CCDC85A: variants seen among roughly 807,000 people sequenced by gnomAD.
The protein encoded by CCDC85A is coiled-coil domain-containing protein 85A.
A neutral mutation model predicts 50.2 loss-of-function variants in CCDC85A; 38 were observed. The observed-to-expected ratio is 0.76, with a 90% confidence interval of 0.58 to 0.99. CCDC85A has a LOEUF of 0.99. CCDC85A is among the 50% of genes least tolerant of loss of function. CCDC85A has a pLI of 0.00. For synonymous variants in CCDC85A, 366 were observed against 301.4 expected, an observed-to-expected ratio of 1.21 and a Z score of -2.22; for missense variants, 820 against 742.0, an observed-to-expected ratio of 1.11 and a Z score of -1.22.
Position 56,321,664 on chromosome 2 carries a change from C to T in CCDC85A, c.1241-21215C>T, listed in dbSNP as rs12383963. Among the ~76,000 whole-genome samples, 310 of 152,276 alleles carry T rather than the reference C, an allele frequency of 2.0e-3. 2 individuals are homozygous for T. The highest frequency in any genetic ancestry group is 6.4e-3 in the African/African-American group (264 of 41,572). ...AAGAGGACACAAACAAATTGAAGAACGTTCCATGCTCGTGGATACGAAGAA... is the reference window on the plus strand; with the variant it reads ...AAGAGGACACAAACAAATTGAAGAATGTTCCATGCTCGTGGATACGAAGAA... On this transcript the variant is annotated intron_variant, in intron 2 of 5. Transcript: ENST00000407595.
chr2:56,351,202 A>G (rs1674915245), intron 3 of CCDC85A, among the ~76,000 whole-genome samples: 1 of 151,820 alleles, frequency 6.6e-6, no homozygotes, highest in Non-Finnish European at 1.5e-5. Context: ...TTATGGCTGC[A>G]TAGTATTCCA....
chr2:56,186,450 G>A (rs954931564), intron 1 of CCDC85A, among the ~76,000 whole-genome samples: 49 of 152,162 alleles, frequency 3.2e-4, no homozygotes, highest in Non-Finnish European at 3.7e-4. Context: ...TGTAGGGGAA[G>A]GTTTAATACT....
intron 2 of CCDC85A, among the ~76,000 whole-genome samples, chr2:56,327,374 CA>C (rs1673529597): frequency 6.6e-6 from 1 of 152,054 alleles, no homozygotes; most frequent in Non-Finnish European, 1.5e-5. Context: ...GGAACACTTC[CA>C]ACCTAGAGCT....
At chr2:56,367,838 G>A (rs1157921462) in intron 3 of CCDC85A, among the ~76,000 whole-genome samples, 1 of 152,054 alleles carries the variant, frequency 6.6e-6, no homozygotes, top group Non-Finnish European at 1.5e-5. Context: ...CACTTATGTG[G>A]GCCAGACACT....
intron 2 of CCDC85A, among the ~76,000 whole-genome samples, chr2:56,261,978 A>G (rs975824579): frequency 2.0e-5 from 3 of 152,206 alleles, no homozygotes; most frequent in African/African-American, 7.2e-5. Flanking sequence ...GAAAGAGCTA[A>G]TGAAAGGCAT....
At chr2:56,191,355 C>T (rs1474663823) in intron 1 of CCDC85A, among the ~76,000 whole-genome samples, 1 of 152,170 alleles carries the variant, frequency 6.6e-6, no homozygotes, top group African/African-American at 2.4e-5. Context: ...TCCCTACCAC[C>T]TGGACTGGTA....
chr2:56,371,067 A>G (rs1273261970), intron 3 of CCDC85A, among the ~76,000 whole-genome samples: 1 of 152,156 alleles, frequency 6.6e-6, no homozygotes, highest in Non-Finnish European at 1.5e-5. Context: ...AACAAATTAG[A>G]CACTACACAT....
chr2:56,330,292 C>T (rs1341299040), intron 2 of CCDC85A, among the ~76,000 whole-genome samples: 1 of 152,114 alleles, frequency 6.6e-6, no homozygotes, highest in Admixed American at 6.5e-5. Flanking sequence ...TTCCTGGTAC[C>T]TCCTTTGTGG....
intron 2 of CCDC85A, among the ~76,000 whole-genome samples, chr2:56,320,108 A>G (rs1248201452): frequency 6.6e-6 from 1 of 152,164 alleles, no homozygotes; most frequent in Non-Finnish European, 1.5e-5. Context: ...AAGACACAAC[A>G]TACCAGAATC....
chr2:56,255,208 T>C (rs1160375157), intron 2 of CCDC85A, among the ~76,000 whole-genome samples: 1 of 152,164 alleles, frequency 6.6e-6, no homozygotes, highest in Non-Finnish European at 1.5e-5. Flanking sequence ...CTGGGTGGTA[T>C]AGTTTTCTGT....
Position 56,193,059 on chromosome 2 carries a change from A to T in CCDC85A, c.859A>T (p.Lys287Ter), listed in dbSNP as rs771175791. ...PSPEHHKPLCKGSPEQQRHPH... is the reference protein window; with the variant it reads ...PSPEHHKPLC Reference sequence around the variant, plus strand: ...CCCGGAGCACCACAAACCCTTGTGCAAGGGCAGCCCCGAACAGCAAAGGCA... The same window carrying T: ...CCCGGAGCACCACAAACCCTTGTGCTAGGGCAGCCCCGAACAGCAAAGGCA... The change falls in exon 2 of 6, where the codon AAG becomes TAG. Residue 287 changes from lysine (K) to a stop codon, truncating the protein, a stop_gained. Coordinates refer to ENST00000407595, the MANE Select transcript of CCDC85A (RefSeq NM_001080433.2). LOFTEE classifies it high-confidence loss of function. 13 of 1,613,174 alleles carry T rather than the reference A, an allele frequency of 8.1e-6. No individual in the cohort carries two copies.
intron 3 of CCDC85A, among the ~76,000 whole-genome samples, chr2:56,369,228 T>G (rs188103185): frequency 4.6e-4 from 70 of 152,250 alleles, no homozygotes; most frequent in African/African-American, 1.6e-3. Flanking sequence ...TGGTTTTTAT[T>G]CCCTTCATTT....
At chr2:56,205,795 T>C (rs1405037039) in intron 2 of CCDC85A, among the ~76,000 whole-genome samples, 1 of 152,078 alleles carries the variant, frequency 6.6e-6, no homozygotes, top group East Asian at 1.9e-4. Flanking sequence ...TGGTAGTAGG[T>C]ATTATGTGAG....
intron 2 of CCDC85A, among the ~76,000 whole-genome samples, chr2:56,221,560 T>G (rs1339440894): frequency 6.6e-6 from 1 of 152,074 alleles, no homozygotes; most frequent in Non-Finnish European, 1.5e-5. Flanking sequence ...TGTAATATAA[T>G]GAAATAATAC....
rs746039716 is a variant in CCDC85A at position 56,372,477 on chromosome 2, C to T, written c.1451C>T (p.Pro484Leu). The stretch of plus-strand genomic sequence containing the variant: ...ATAGGACGATGCCTGCCTACTCTCC[C>T]GGTGAGTGAAGATGAGTCAGCTGGA... ...RGIGRCLPTLPGSFRLSSGAD... is the reference protein window; with the variant it reads ...RGIGRCLPTLLGSFRLSSGAD... The change falls in exon 4 of 6, where the codon CCG (proline) becomes CTG (leucine). Residue 484 changes from proline to leucine, a missense_variant and splice_region_variant. Transcript: ENST00000407595. 11 of 1,593,986 alleles carry T rather than the reference C, an allele frequency of 6.9e-6. No homozygotes were observed. The highest frequency in any genetic ancestry group is 3.4e-5 in the Admixed American group (2 of 58,202).
intron 2 of CCDC85A, among the ~76,000 whole-genome samples, chr2:56,224,287 C>A (rs1173861220): frequency 6.6e-6 from 1 of 152,172 alleles, no homozygotes; most frequent in Non-Finnish European, 1.5e-5. Flanking sequence ...CTTTAGCATG[C>A]ATCAGTACCT....
intron 2 of CCDC85A, among the ~76,000 whole-genome samples, chr2:56,317,654 T>G (rs1337741695): frequency 6.6e-6 from 1 of 152,150 alleles, no homozygotes; most frequent in Non-Finnish European, 1.5e-5. Flanking sequence ...AAAGCTCCCC[T>G]GCAGATTATT....
intron 3 of CCDC85A, among the ~76,000 whole-genome samples, chr2:56,350,382 C>T: frequency 6.6e-6 from 1 of 151,946 alleles, no homozygotes; most frequent in South Asian, 2.1e-4. Context: ...ACCAGCCTGG[C>T]CAACATGGTG....
In CCDC85A at chr2:56,194,563, G is replaced by A. The variant is rs1013607918; in HGVS notation, c.1240+1123G>A. On this transcript the variant is annotated intron_variant, in intron 2 of 5. Transcript: ENST00000407595. ...CTGCCAGTTTTAGCAGTGACAAGAAGGGGTAAATTTCAATATTGTATTTGG... is the reference window on the plus strand; with the variant it reads ...CTGCCAGTTTTAGCAGTGACAAGAAAGGGTAAATTTCAATATTGTATTTGG... Among the ~76,000 whole-genome samples the A allele has an allele frequency of 1.1e-4, 17 of 152,198 alleles. 1 individual carries two copies. Among genetic ancestry groups the A allele is most frequent in the Admixed American group, 1.1e-3 (17 of 15,286 alleles).
Sources: allele counts gnomAD v4.1 joint callset (sites outside exome capture counted in the v4.1 genomes callset), GRCh38; gene constraint gnomAD v4.1.1; transcripts MANE v1.5; gene names NCBI Gene and HGNC (gene_info 2026-07-23, HGNC 2026-07-21).